The following CTXN3 variants were observed in gnomAD, a reference collection of about 807,000 sequenced individuals.
The protein encoded by CTXN3 is cortexin-3.
CTXN3 carries 4 observed loss-of-function variants against 5.0 expected under a neutral mutation model. The ratio of observed to expected loss-of-function variants is 0.79; its 90% CI spans 0.39 to 1.82. The LOEUF (loss-of-function observed/expected upper bound fraction) is 1.82. CTXN3 is among the 40% of genes most tolerant of loss of function. The pLI is 0.04. For missense variants in CTXN3, 89 were observed against 99.7 expected (o/e 0.89, Z 0.46); for synonymous variants, 48 against 38.6 (o/e 1.24, Z -0.91).
At chr5:127,652,247 A>T (rs1749800250) in intron 1 of CTXN3, 1 of 152,154 alleles carries the variant, frequency 6.6e-6, no homozygotes, top group South Asian at 2.1e-4. Context: ...TTCAAACAAG[A>T]CTTACTTCAA....
rs192401821 is a variant in CTXN3, at chr5:127,654,584, G to A, written c.-100+1161G>A. ...ATTTCTGGAATGGTTGCCTACCACT[G>A]CAGCCCCCAAATGAATGGTTTGCTC... On this transcript the variant is annotated intron_variant, in intron 2 of 2. Coordinates refer to ENST00000379445, the MANE Select transcript of CTXN3 (RefSeq NM_001048252.3). Among the ~76,000 whole-genome samples the A allele has an allele frequency of 2.6e-3, 392 of 152,340 alleles. 1 individual carries two copies. The highest frequency in any genetic ancestry group is 4.1e-3 in the Non-Finnish European group (277 of 68,032).
Position 127,657,966 on chromosome 5 carries a change from C to T in CTXN3, c.*199C>T, listed in dbSNP as rs1251499966. On this transcript the variant is annotated 3_prime_UTR_variant, in exon 3 of 3. Coordinates refer to ENST00000379445, the MANE Select transcript of CTXN3 (RefSeq NM_001048252.3). ...ATGGACACTTATATAACTAATCCAA[C>T]ATAAGAAGGTTTAAATTTTTATGTT... is the stretch of plus-strand genomic sequence containing the variant. 1.6e-6 allele frequency: 1 copy of T among 615,608 alleles called. No homozygotes were observed. Among genetic ancestry groups the T allele is most frequent in the African/African-American group, 1.9e-5 (1 of 53,820 alleles). The allele number at this position is 615,608 out of a possible 1,614,324, so 38.1% of individuals were successfully genotyped here.
chr5:127,650,299 C>T (rs142496304), intron 1 of CTXN3, among the ~76,000 whole-genome samples: 1 of 152,166 alleles, frequency 6.6e-6, no homozygotes, highest in Admixed American at 6.6e-5. Flanking sequence ...AGTTCTGAAA[C>T]TGCCTGTTGA....
At chr5:127,655,875 C>T (rs1298570074) in intron 2 of CTXN3, among the ~76,000 whole-genome samples, 4 of 152,162 alleles carry the variant, frequency 2.6e-5, no homozygotes, top group Admixed American at 6.5e-5. Flanking sequence ...AAAAATGATG[C>T]ATTACCCGAC....
intron 2 of CTXN3, 59 bp downstream of exon 2, chr5:127,653,482 C>T (rs997249458): frequency 4.6e-5 from 7 of 152,100 alleles, no homozygotes; most frequent in Non-Finnish European, 1.0e-4. Flanking sequence ...ATTATGAAGG[C>T]TTCTGATGGT....
At chr5:127,651,248 G>C (rs2126740092) in intron 1 of CTXN3, among the ~76,000 whole-genome samples, 1 of 152,230 alleles carries the variant, frequency 6.6e-6, no homozygotes, top group Admixed American at 6.5e-5. Context: ...TCAATGGATG[G>C]GCTGTTTTGA....
At chr5:127,653,885 T>G (rs962027697) in intron 2 of CTXN3, among the ~76,000 whole-genome samples, 2 of 152,114 alleles carry the variant, frequency 1.3e-5, no homozygotes, top group African/African-American at 4.8e-5. Flanking sequence ...GATCTCTTTA[T>G]CCCTTTAGCA....
At chr5:127,651,302 G>A (rs190297298) in intron 1 of CTXN3, among the ~76,000 whole-genome samples, 136 of 152,234 alleles carry the variant, frequency 8.9e-4, no homozygotes, top group Non-Finnish European at 1.4e-3. Flanking sequence ...CTAGGTTTCT[G>A]ATCCAGAAGT....
At chr5:127,655,815 A>G (rs1749894933) in intron 2 of CTXN3, among the ~76,000 whole-genome samples, 2 of 152,256 alleles carry the variant, frequency 1.3e-5, no homozygotes, top group Admixed American at 6.5e-5. Context: ...ATTATAAATG[A>G]GTTTTGCAAC....
intron 1 of CTXN3, among the ~76,000 whole-genome samples, chr5:127,651,433 G>A (rs906627829): frequency 7.9e-5 from 12 of 152,110 alleles, no homozygotes; most frequent in East Asian, 1.9e-4. Flanking sequence ...TCATTCCAAC[G>A]TGCCAGTGAA....
chr5:127,650,868 G>A (rs1749771042), intron 1 of CTXN3, among the ~76,000 whole-genome samples: 1 of 152,122 alleles, frequency 6.6e-6, no homozygotes, highest in Non-Finnish European at 1.5e-5. Context: ...AATGTACTTT[G>A]AGAGACTACA....
At chr5:127,656,519 T>A (rs928721908) in intron 2 of CTXN3, among the ~76,000 whole-genome samples, 2 of 152,168 alleles carry the variant, frequency 1.3e-5, no homozygotes, top group Non-Finnish European at 2.9e-5. Context: ...TTCTCTTGGC[T>A]TAATTCTCTA....
At chr5:127,649,690 CTGTTTG>C (rs1749743634) in intron 1 of CTXN3, among the ~76,000 whole-genome samples, 5 of 151,408 alleles carry the variant, frequency 3.3e-5, no homozygotes, top group Admixed American at 6.6e-5. Context: ...TTTCTGAAAG[CTGTTTG>C]CCCATTATCG....
chr5:127,656,986 T>C (rs577100309), intron 2 of CTXN3, among the ~76,000 whole-genome samples: 1 of 152,250 alleles, frequency 6.6e-6, no homozygotes, highest in African/African-American at 2.4e-5. Context: ...TGCAGTAAAG[T>C]GGCTAACATG....
rs248709 is a variant in CTXN3 at position 127,657,571 on chromosome 5, A to T, written c.50A>T (p.Glu17Val). ...TCATCCCTAGTGCCCCTTGGGAACG[A>T]ATCAGCAGATTCTAGCATGTCCCTG... ...IPSSLVPLGN[E>V]SADSSMSLEQ... Residue 17 changes from glutamate to valine, a missense_variant, in exon 3 of 3, where the codon GAA becomes GTA. Coordinates refer to ENST00000379445, the MANE Select transcript of CTXN3 (RefSeq NM_001048252.3). The T allele has an allele frequency of 0.67, 1,073,572 of 1,613,470 alleles. 358,881 individuals are homozygous for T. Among genetic ancestry groups the T allele is most frequent in the African/African-American group, 0.77 (57,409 of 74,966 alleles).
intron 1 of CTXN3, among the ~76,000 whole-genome samples, chr5:127,651,099 G>A (rs370553301): frequency 1.4e-4 from 22 of 152,240 alleles, no homozygotes; most frequent in Admixed American, 7.9e-4. Context: ...AGGCAATTCC[G>A]TTCCTGTTAA....
intron 1 of CTXN3, among the ~76,000 whole-genome samples, chr5:127,650,528 G>T (rs867682710): frequency 1.2e-4 from 18 of 152,148 alleles, no homozygotes; most frequent in African/African-American, 4.1e-4. Flanking sequence ...GGGAGTGGGA[G>T]GATTTAAAAT....
chr5:127,655,882 C>T (rs564685392), intron 2 of CTXN3, among the ~76,000 whole-genome samples: 6 of 152,264 alleles, frequency 3.9e-5, no homozygotes, highest in East Asian at 3.9e-4. Flanking sequence ...ATGCATTACC[C>T]GACTGGTAAC....
intron 2 of CTXN3, among the ~76,000 whole-genome samples, chr5:127,657,003 G>T (rs951362706): frequency 6.6e-6 from 1 of 152,206 alleles, no homozygotes; most frequent in African/African-American, 2.4e-5. Flanking sequence ...CATGTTTCAA[G>T]TTTAGCCACT....
Sources: gnomAD v4.1 joint callset for allele counts (sites outside exome capture counted in the v4.1 genomes callset) on GRCh38, gnomAD v4.1.1 for gene constraint, MANE v1.5 for transcripts, NCBI Gene and HGNC (gene_info 2026-07-23, HGNC 2026-07-21) for gene names.